The following ABLIM1 variants were observed in gnomAD, a reference collection of about 807,000 sequenced individuals.
ABLIM1 encodes actin binding LIM protein 1.
A neutral mutation model predicts 107.0 loss-of-function variants in ABLIM1; 40 were observed. The observed-to-expected ratio is 0.37, with a 90% CI of 0.29 to 0.49. The LOEUF is 0.49. ABLIM1 is among the 20% of genes least tolerant of loss of function. The pLI is 0.97. For missense variants in ABLIM1, 857 were observed against 1,008.5 expected (o/e 0.85, Z 2.04); for synonymous variants, 357 against 357.3 (o/e 1.00, Z 0.01).
rs1267644085 is a variant in ABLIM1 at position 114,618,208 on chromosome 10, GT to G, written c.245-16248del. ...GGTCACTGTTTTACACTTTGCGAAT[GT>G]AATTATTGTTCTACTAGACTCTGTA... On this transcript the variant is annotated intron_variant, in intron 1 of 22. Coordinates refer to ENST00000533213, the MANE Select transcript of ABLIM1 (RefSeq NM_002313.7). Among the ~76,000 whole-genome samples, 7 of 152,272 alleles carry G rather than the reference GT, an allele frequency of 4.6e-5. No individual in the cohort carries two copies. In the East Asian group the frequency reaches 1.4e-3, roughly 29 times the overall value.
chr10:114,787,608 G>A, the ABLIM1 span, among the ~76,000 whole-genome samples: 7 of 144,124 alleles, frequency 4.9e-5, no homozygotes, highest in East Asian at 2.2e-4. Flanking sequence ...CCGGCCAGCC[G>A]CCCCGTCCGG....
intron 1 of ABLIM1, among the ~76,000 whole-genome samples, chr10:114,616,900 T>C (rs1434509841): frequency 1.3e-5 from 2 of 152,264 alleles, no homozygotes; most frequent in Admixed American, 6.5e-5. Flanking sequence ...TTGGTACTAT[T>C]ATTGTCCTTA....
chr10:114,542,048 T>G (rs1470685002), intron 6 of ABLIM1, among the ~76,000 whole-genome samples: 3 of 152,092 alleles, frequency 2.0e-5, no homozygotes, highest in Non-Finnish European at 4.4e-5. Flanking sequence ...GGGGACCACG[T>G]TCAGTATTTT....
At chr10:114,484,909 C>T (rs1220314146) in intron 8 of ABLIM1, among the ~76,000 whole-genome samples, 1 of 152,238 alleles carries the variant, frequency 6.6e-6, no homozygotes, top group Non-Finnish European at 1.5e-5. Flanking sequence ...TGAGCCATAG[C>T]CTGGGATGGG....
intron 4 of ABLIM1, among the ~76,000 whole-genome samples, chr10:114,556,352 T>A (rs1385748710): frequency 6.6e-6 from 1 of 152,192 alleles, no homozygotes; most frequent in Non-Finnish European, 1.5e-5. Context: ...ACATGTGGAT[T>A]CCACCACGGG....
intron 1 of ABLIM1, among the ~76,000 whole-genome samples, chr10:114,705,429 G>A (rs545591008): frequency 6.6e-6 from 1 of 152,228 alleles, no homozygotes; most frequent in East Asian, 1.9e-4. Flanking sequence ...GGTCACCAGT[G>A]GGCAGGATGC....
chr10:114,617,098 C>T (rs2077169846), intron 1 of ABLIM1, among the ~76,000 whole-genome samples: 1 of 152,028 alleles, frequency 6.6e-6, no homozygotes. Context: ...TACAAAGCCA[C>T]CAAGGCAACT....
intron 1 of ABLIM1, among the ~76,000 whole-genome samples, chr10:114,694,885 C>G (rs2081163206): frequency 6.6e-6 from 1 of 152,168 alleles, no homozygotes; most frequent in African/African-American, 2.4e-5. Flanking sequence ...GGGACCTCGC[C>G]GCTCAAAACC....
intron 1 of ABLIM1, among the ~76,000 whole-genome samples, chr10:114,647,089 G>C (rs1039318655): frequency 6.6e-6 from 1 of 152,116 alleles, no homozygotes; most frequent in African/African-American, 2.4e-5. Flanking sequence ...CCTGCCTCCT[G>C]GGTTCAAGCA....
In ABLIM1 at chr10:114,460,685, T is replaced by C. The variant is rs576250689; in HGVS notation, c.1441+5013A>G. Reference sequence around the variant, plus strand: ...CACCAAGACACTTCACCTCGTGATGTAGGAGTCTCATTGTTCTTGATTTAT... The same window carrying C: ...CACCAAGACACTTCACCTCGTGATGCAGGAGTCTCATTGTTCTTGATTTAT... On this transcript the variant is annotated intron_variant, in intron 12 of 22. Transcript: ENST00000533213. Among the ~76,000 whole-genome samples the C allele has an allele frequency of 7.9e-5, 12 of 152,334 alleles. No individual in the cohort carries two copies. In the East Asian group the frequency reaches 1.7e-3, roughly 22 times the overall value.
intron 4 of ABLIM1, among the ~76,000 whole-genome samples, chr10:114,564,430 A>G (rs974589493): frequency 7.7e-5 from 11 of 141,946 alleles, no homozygotes; most frequent in Non-Finnish European, 1.2e-4. Context: ...ACACCTAGCT[A>G]ATGTTTGTAT....
At chr10:114,721,910 G>C (rs1290553877) in intron 1 of ABLIM1, among the ~76,000 whole-genome samples, 1 of 152,094 alleles carries the variant, frequency 6.6e-6, no homozygotes, top group African/African-American at 2.4e-5. Context: ...ATAAGCAAAG[G>C]CTTGGGGAAA....
intron 1 of ABLIM1, among the ~76,000 whole-genome samples, chr10:114,726,156 G>C (rs1291772055): frequency 1.4e-5 from 2 of 145,822 alleles, no homozygotes; most frequent in Non-Finnish European, 3.0e-5. Flanking sequence ...CTTGTAAAAA[G>C]TTTTAGGGAA....
intron 1 of ABLIM1, among the ~76,000 whole-genome samples, chr10:114,623,860 G>T (rs11196810): frequency 0.087 from 13,203 of 152,244 alleles, 724 homozygotes; most frequent in Middle Eastern, 0.13. Context: ...AAACAAGCCA[G>T]CCTGTTTGAT....
chr10:114,772,439 C>CA (rs68085342), upstream of ABLIM1, among the ~76,000 whole-genome samples: 8,616 of 145,406 alleles, frequency 0.059, 306 homozygotes, highest in Non-Finnish European at 0.085. Flanking sequence ...CTAACTCTAC[C>CA]AAAAAAAAAA....
the ABLIM1 span, among the ~76,000 whole-genome samples, chr10:114,786,739 C>T: frequency 6.6e-6 from 1 of 152,220 alleles, no homozygotes; most frequent in Non-Finnish European, 1.5e-5. Context: ...GCGAGTGATC[C>T]GCCAGCCTCC....
intron 12 of ABLIM1, among the ~76,000 whole-genome samples, chr10:114,453,719 G>A (rs1316012382): frequency 2.6e-5 from 4 of 152,310 alleles, no homozygotes; most frequent in African/African-American, 7.2e-5. Context: ...CTAGCGGTCA[G>A]GTGCGTCATT....
intron 1 of ABLIM1, among the ~76,000 whole-genome samples, chr10:114,754,232 G>A (rs2082581295): frequency 6.6e-6 from 1 of 152,178 alleles, no homozygotes; most frequent in Admixed American, 6.5e-5. Context: ...TCAACTGAAA[G>A]GACAGAGAAA....
intron 6 of ABLIM1, among the ~76,000 whole-genome samples, chr10:114,535,595 C>T (rs1565861157): frequency 1.3e-5 from 2 of 152,316 alleles, no homozygotes; most frequent in South Asian, 4.1e-4. Flanking sequence ...CAGGCATGAG[C>T]CACCGTGCCT....
Sources: allele counts gnomAD v4.1 joint callset (sites outside exome capture counted in the v4.1 genomes callset), GRCh38; gene constraint gnomAD v4.1.1; transcripts MANE v1.5; gene names NCBI Gene and HGNC (gene_info 2026-07-23, HGNC 2026-07-21).